CHFR: variants seen among roughly 807,000 people sequenced by gnomAD.
CHFR encodes checkpoint with forkhead and ring finger domains, also known as E3 ubiquitin-protein ligase CHFR.
A neutral mutation model predicts 87.6 loss-of-function variants in CHFR; 57 were observed. The ratio of observed to expected loss-of-function variants is 0.65; its 90% confidence interval spans 0.53 to 0.81. CHFR has a LOEUF of 0.81. Among genes scored for constraint, CHFR ranks in the 30% least tolerant of loss-of-function variants. The pLI is 0.00. For synonymous variants in CHFR, 381 were observed against 359.2 expected (o/e 1.06, Z -0.69); for missense variants, 797 against 865.8 (o/e 0.92, Z 1.00).
intron 2 of CHFR, among the ~76,000 whole-genome samples, chr12:132,878,314 C>CA (rs1951678665): frequency 6.6e-6 from 1 of 151,524 alleles, no homozygotes; most frequent in African/African-American, 2.4e-5. Flanking sequence ...ACTAAAAATA[C>CA]AAAAATTAGC....
chr12:132,866,526 T>G (rs1193265297), intron 6 of CHFR: 1 of 151,640 alleles, frequency 6.6e-6, no homozygotes, highest in East Asian at 1.9e-4. Flanking sequence ...ACTGGAATGT[T>G]ACAACACACC....
chr12:132,887,383 G>A (rs113492159), intron 1 of CHFR, 43 bp from the exon 2 acceptor site: 225,409 of 1,250,798 alleles, frequency 0.18, 21,080 homozygotes, highest in Middle Eastern at 0.23. Context: ...CCCGACCCCA[G>A]AGGCCGAGAC....
In CHFR at chr12:132,839,420, G is replaced by A. The variant is rs539019801; in HGVS notation, c.*2134C>T. ...CTGCACAAACTTGCAACCTCCCCTC[G>A]GCCTCACCCCTGCACAAACTTGGGA... On this transcript the variant is annotated 3_prime_UTR_variant, in exon 18 of 18. Transcript: ENST00000450056. The A allele has an allele frequency of 2.8e-4, 21 of 75,154 alleles. No homozygotes were observed. Among genetic ancestry groups the A allele is most frequent in the African/African-American group, 7.4e-4 (13 of 17,638 alleles). The allele number at this position is 75,154 out of a possible 1,614,324, so 4.7% of individuals were successfully genotyped here.
At chr12:132,850,088 G>A (rs903313229) in intron 12 of CHFR, 1 of 152,128 alleles carries the variant, frequency 6.6e-6, no homozygotes, top group Non-Finnish European at 1.5e-5. Context: ...CAAGTAGCTG[G>A]AACTACAGGC....
At chr12:132,875,219 T>C (rs1363248834) in intron 3 of CHFR, among the ~76,000 whole-genome samples, 1 of 152,248 alleles carries the variant, frequency 6.6e-6, no homozygotes. Context: ...CTTCTATCCC[T>C]GAAACTATCA....
intron 2 of CHFR, 114 bp from the exon 3 acceptor site, chr12:132,877,768 TA>T (rs149820641): frequency 0.17 from 84,844 of 502,146 alleles, 7,752 homozygotes; most frequent in Middle Eastern, 0.23. Context: ...TGTACATATG[TA>T]AAAAAAAACA....
intron 9 of CHFR, 104 bp from the exon 10 acceptor site, chr12:132,856,734 G>C (rs747879114): frequency 7.6e-7 from 1 of 1,315,524 alleles, no homozygotes; most frequent in Admixed American, 1.7e-5. Context: ...CGGAAGGAGG[G>C]GTCTGGGCGG....
At chr12:132,881,120 T>C (rs983229560) in intron 2 of CHFR, among the ~76,000 whole-genome samples, 1 of 151,760 alleles carries the variant, frequency 6.6e-6, no homozygotes, top group South Asian at 2.1e-4. Flanking sequence ...TACAAAAAAT[T>C]AGCCGGGCAT....
In CHFR at chr12:132,869,626, G is replaced by T; in HGVS notation, c.576C>A (p.Ser192=). The T allele has an allele frequency of 6.4e-7, 1 of 1,551,560 alleles. No individual in the cohort carries two copies. The highest frequency in any genetic ancestry group is 8.7e-7 in the Non-Finnish European group (1 of 1,146,922). The change falls in exon 6 of 18, where the codon TCC becomes TCA. Residue 192 remains serine, a synonymous_variant. Coordinates refer to ENST00000450056, the MANE Select transcript of CHFR (RefSeq NM_001161346.2). ...CATGAGATGTGACCTCACCACAACTGGAGGAACGCTCTCGCCCTGCAGGAG... is the reference window on the plus strand; with the variant it reads ...CATGAGATGTGACCTCACCACAACTTGAGGAACGCTCTCGCCCTGCAGGAG... The part of the protein sequence containing the change: ...EPSPAGRERS[S]SCGSGGGGIS...
chr12:132,879,483 C>T (rs1317338600), intron 2 of CHFR, among the ~76,000 whole-genome samples: 9 of 151,596 alleles, frequency 5.9e-5, no homozygotes, highest in Admixed American at 1.3e-4. Flanking sequence ...CTCTGCCTCC[C>T]GGGTTCAAGC....
At chr12:132,874,388 T>C (rs1351867820) in intron 3 of CHFR, among the ~76,000 whole-genome samples, 8 of 133,164 alleles carry the variant, frequency 6.0e-5, no homozygotes, top group Middle Eastern at 9.9e-3. Context: ...AGCCAGGCCC[T>C]GGAACAGGTA....
rs774176417 is a variant in CHFR at position 132,887,180 on chromosome 12, G to A, written c.133+16C>T. The A allele has an allele frequency of 1.4e-6, 2 of 1,473,362 alleles. No individual in the cohort carries two copies. The highest frequency in any genetic ancestry group is 1.3e-5 in the South Asian group (1 of 78,444). The allele number at this position is 1,473,362 out of a possible 1,614,324, so 91.3% of individuals were successfully genotyped here. On this transcript the variant is annotated intron_variant, in intron 2 of 17. Coordinates refer to ENST00000450056, the MANE Select transcript of CHFR (RefSeq NM_001161346.2). ...CTGCCCGGCCCCGGCCCCCGGCCCC[G>A]GCCTCAGCCCCGCACCTCGTCTCCG... is the stretch of plus-strand genomic sequence containing the variant.
At chr12:132,867,960 A>T (rs1246614831) in intron 6 of CHFR, 2 of 151,044 alleles carry the variant, frequency 1.3e-5, no homozygotes, top group Admixed American at 6.6e-5. Flanking sequence ...TAAGAAAATT[A>T]AAAAAAAATA....
rs1950684955 is a variant in CHFR, at chr12:132,840,182, ATTGG to A, written c.*1368_*1371del. 6.6e-6 allele frequency: 1 copy of A among 152,518 alleles called. No homozygotes were observed. Among genetic ancestry groups the A allele is most frequent in the Non-Finnish European group, 1.5e-5 (1 of 68,204 alleles). The allele number at this position is 152,518 out of a possible 1,614,324, so 9.4% of individuals were successfully genotyped here. A position where few individuals can be genotyped will look rare whatever the true frequency, so the allele number is the denominator to read the frequency against. On this transcript the variant is annotated 3_prime_UTR_variant, in exon 18 of 18. Transcript: ENST00000450056. ...GATGAACAGGTTGTGGCTTCCCAGC[ATTGG>A]CAGAATGAAGAGACCTGAGCAGGTT...
chr12:132,848,252 C>T, intron 13 of CHFR, 97 bp from the exon 14 acceptor site: 2 of 1,575,784 alleles, frequency 1.3e-6, no homozygotes, highest in African/African-American at 2.7e-5. Flanking sequence ...CTTTTCATTA[C>T]AGATTCTAGA....
chr12:132,853,976 G>T, intron 10 of CHFR: 1 of 174,132 alleles, frequency 5.7e-6, no homozygotes, highest in Non-Finnish European at 1.2e-5. Flanking sequence ...AGCCACACCA[G>T]GCGCCTGCAA....
At chr12:132,843,325 C>T (rs1037220425) in intron 16 of CHFR, among the ~76,000 whole-genome samples, 1 of 152,118 alleles carries the variant, frequency 6.6e-6, no homozygotes, top group Non-Finnish European at 1.5e-5. Context: ...CTTTGGGAGG[C>T]AGAGGCAGGA....
chr12:132,856,604 G>C lies in CHFR; in HGVS notation c.1093C>G (p.Gln365Glu). The change falls in exon 10 of 18, where the codon CAA (glutamine) becomes GAA (glutamate). Residue 365 changes from glutamine to glutamate, a missense_variant. This residue lies in a region of CHFR where 597 missense variants were observed against 601.2 expected (regional missense o/e 0.99). Transcript: ENST00000450056. Reference protein sequence around the residue: ...PDKSRSEEDVQSMDARNKITQ... With the variant: ...PDKSRSEEDVESMDARNKITQ... The stretch of plus-strand genomic sequence containing the variant: ...ATTTTATTTCTGGCATCCATACTTT[G>C]CACATCTTCTTCACTGCGACTCTTG... 6.2e-7 allele frequency: 1 copy of C among 1,614,116 alleles called. No individual in the cohort carries two copies. The highest frequency in any genetic ancestry group is 1.7e-4 in the Middle Eastern group (1 of 6,058).
chr12:132,886,612 T>A (rs530906692), intron 2 of CHFR, among the ~76,000 whole-genome samples: 16 of 152,110 alleles, frequency 1.1e-4, no homozygotes, highest in African/African-American at 3.9e-4. Flanking sequence ...TCACCCGTTG[T>A]ATGACTTTGT....
Sources: allele counts gnomAD v4.1 joint callset (sites outside exome capture counted in the v4.1 genomes callset), GRCh38; gene constraint gnomAD v4.1.1; regional missense constraint gnomAD v4.1.1; transcripts MANE v1.5; gene names NCBI Gene and HGNC (gene_info 2026-07-23, HGNC 2026-07-21).